Variants in BMPR1A observed in about 807,000 individuals in gnomAD.
The protein encoded by BMPR1A is bone morphogenetic protein receptor type-1A.
BMPR1A carries 7 observed loss-of-function variants against 66.0 expected under a neutral mutation model. The observed-to-expected ratio is 0.11, with a 90% CI of 0.06 to 0.20. The LOEUF (loss-of-function observed/expected upper bound fraction) is 0.20, where lower values mean the gene tolerates loss of function less well. Among genes scored for constraint, BMPR1A ranks in the 10% least tolerant of loss-of-function variants. BMPR1A has a pLI of 1.00. For missense variants in BMPR1A, 408 were observed against 669.1 expected (o/e 0.61, Z 4.31); for synonymous variants, 200 against 229.7 (o/e 0.87, Z 1.17).
chr10:86,786,511 G>A (rs1345232789), intron 1 of BMPR1A, among the ~76,000 whole-genome samples: 3 of 152,062 alleles, frequency 2.0e-5, no homozygotes, highest in African/African-American at 2.4e-5. Flanking sequence ...TTTCCTGCTC[G>A]TTGAAACACT....
intron 1 of BMPR1A, among the ~76,000 whole-genome samples, chr10:86,775,923 C>T (rs1841341245): frequency 6.6e-6 from 1 of 152,132 alleles, no homozygotes; most frequent in South Asian, 2.1e-4. Flanking sequence ...TATCTCCCTC[C>T]TTTTCGGCTG....
chr10:86,804,991 C>G (rs187078187), intron 1 of BMPR1A, among the ~76,000 whole-genome samples: 2 of 152,002 alleles, frequency 1.3e-5, no homozygotes, highest in African/African-American at 4.8e-5. Flanking sequence ...TCCTAACTCC[C>G]GGTAGCCTCA....
intron 7 of BMPR1A, among the ~76,000 whole-genome samples, chr10:86,907,455 A>G (rs556474120): frequency 1.3e-5 from 2 of 152,356 alleles, no homozygotes; most frequent in East Asian, 3.9e-4. Context: ...CAGAACTACC[A>G]TATGATCTTG....
chr10:86,822,909 T>C (rs1335502374), intron 1 of BMPR1A, among the ~76,000 whole-genome samples: 1 of 152,090 alleles, frequency 6.6e-6, no homozygotes, highest in Non-Finnish European at 1.5e-5. Context: ...GGATTATAGA[T>C]GCAAGCCACT....
chr10:86,865,295 G>C lies in BMPR1A; in HGVS notation c.-152-10572G>C, dbSNP rs549268285. On this transcript the variant is annotated intron_variant, in intron 2 of 12. Coordinates refer to ENST00000372037, the MANE Select transcript of BMPR1A (RefSeq NM_004329.3). Reference sequence around the variant, plus strand: ...TAACTGATGATATTCCACCACAAAAGAAGTGAAAATGGCCAGTCCTTGCCT... The same window carrying C: ...TAACTGATGATATTCCACCACAAAACAAGTGAAAATGGCCAGTCCTTGCCT... Among the ~76,000 whole-genome samples the C allele has an allele frequency of 6.7e-4, 102 of 152,268 alleles. 1 individual carries two copies. The South Asian group carries it at 0.021, about 31-fold the overall frequency.
intron 9 of BMPR1A, among the ~76,000 whole-genome samples, chr10:86,917,572 C>T (rs1419812063): frequency 1.3e-5 from 2 of 152,210 alleles, no homozygotes; most frequent in African/African-American, 2.4e-5. Flanking sequence ...ATTGGACTTA[C>T]TCCCATAGTA....
chr10:86,904,152 C>T (rs748081024), intron 7 of BMPR1A, among the ~76,000 whole-genome samples: 4 of 152,226 alleles, frequency 2.6e-5, no homozygotes, highest in Non-Finnish European at 5.9e-5. Context: ...GATCCACCTG[C>T]CTCGGCTTCC....
Position 86,856,076 on chromosome 10 carries a change from T to C in BMPR1A, c.-153+17097T>C. The C allele has an allele frequency of 7.1e-6, 4 of 565,486 alleles. 1 individual carries two copies. Among genetic ancestry groups the C allele is most frequent in the Admixed American group, 4.1e-5 (2 of 48,198 alleles). The allele number at this position is 565,486 out of a possible 1,614,324, so 35.0% of individuals were successfully genotyped here. A position where few individuals can be genotyped will look rare whatever the true frequency, so the allele number is the denominator to read the frequency against. ...AACTCAGATGCTTCATAACAAAAATTGCTGCAAAAAGACTTTCTTTCAGTA... is the reference window on the plus strand; with the variant it reads ...AACTCAGATGCTTCATAACAAAAATCGCTGCAAAAAGACTTTCTTTCAGTA... On this transcript the variant is annotated intron_variant, in intron 2 of 12. Transcript: ENST00000372037.
chr10:86,814,543 A>G (rs961379874), intron 1 of BMPR1A, among the ~76,000 whole-genome samples: 6 of 151,988 alleles, frequency 3.9e-5, no homozygotes, highest in African/African-American at 1.4e-4. Context: ...TCATTTCTCA[A>G]ATAAATTTTT....
intron 10 of BMPR1A, among the ~76,000 whole-genome samples, chr10:86,920,142 A>G (rs1843640952): frequency 6.6e-6 from 1 of 152,228 alleles, no homozygotes; most frequent in Non-Finnish European, 1.5e-5. Context: ...AGGTTTTTTA[A>G]TGAACATTGT....
At chr10:86,816,776 G>A (rs1842040761) in intron 1 of BMPR1A, among the ~76,000 whole-genome samples, 1 of 152,200 alleles carries the variant, frequency 6.6e-6, no homozygotes. Flanking sequence ...CTGCAGTAAA[G>A]CCTGCTAGTT....
At chr10:86,906,154 A>G (rs1385411430) in intron 7 of BMPR1A, among the ~76,000 whole-genome samples, 1 of 152,146 alleles carries the variant, frequency 6.6e-6, no homozygotes, top group African/African-American at 2.4e-5. Flanking sequence ...GGATGGGCTC[A>G]AGTTTGTTTC....
chr10:86,836,618 C>T (rs1174036118), intron 1 of BMPR1A, among the ~76,000 whole-genome samples: 1 of 152,004 alleles, frequency 6.6e-6, no homozygotes, highest in Non-Finnish European at 1.5e-5. Context: ...GCCGACATGA[C>T]GAGACCCTGT....
chr10:86,901,476 G>A (rs1374692596), intron 7 of BMPR1A, among the ~76,000 whole-genome samples: 1 of 152,148 alleles, frequency 6.6e-6, no homozygotes, highest in African/African-American at 2.4e-5. Context: ...AGTTCTTGGG[G>A]GAACTCCATA....
At chr10:86,783,941 G>A (rs1303877681) in intron 1 of BMPR1A, among the ~76,000 whole-genome samples, 2 of 152,160 alleles carry the variant, frequency 1.3e-5, no homozygotes, top group African/African-American at 2.4e-5. Flanking sequence ...GTATAGAAAT[G>A]CAACTTATTT....
intron 3 of BMPR1A, among the ~76,000 whole-genome samples, chr10:86,879,800 C>T (rs1250610057): frequency 6.6e-6 from 1 of 152,140 alleles, no homozygotes; most frequent in African/African-American, 2.4e-5. Context: ...ATCCAGTATC[C>T]AGTGATAAAG....
At chr10:86,813,520 T>C (rs2132952119) in intron 1 of BMPR1A, among the ~76,000 whole-genome samples, 1 of 152,340 alleles carries the variant, frequency 6.6e-6, no homozygotes, top group East Asian at 1.9e-4. Context: ...ATAGGTGTGG[T>C]AGAATATTTG....
intron 1 of BMPR1A, among the ~76,000 whole-genome samples, chr10:86,816,295 G>A (rs1210072501): frequency 6.6e-6 from 1 of 151,930 alleles, no homozygotes; most frequent in Non-Finnish European, 1.5e-5. Flanking sequence ...GTATTCATTG[G>A]GTTAAATAAG....
chr10:86,774,521 A>G (rs1399332037), intron 1 of BMPR1A, among the ~76,000 whole-genome samples: 2 of 152,208 alleles, frequency 1.3e-5, no homozygotes, highest in Non-Finnish European at 2.9e-5. Context: ...AAAAGAATTG[A>G]TGATTCTTAT....
Sources: gnomAD v4.1 joint callset for allele counts (sites outside exome capture counted in the v4.1 genomes callset) on GRCh38, gnomAD v4.1.1 for gene constraint, MANE v1.5 for transcripts, NCBI Gene and HGNC (gene_info 2026-07-23, HGNC 2026-07-21) for gene names.